ABTB2: variants seen among roughly 807,000 people sequenced by gnomAD.
The protein encoded by ABTB2 is ankyrin repeat and BTB/POZ domain-containing protein 2.
ABTB2 carries 56 observed loss-of-function variants against 104.1 expected under a neutral mutation model. That is an observed-to-expected ratio of 0.54 (90% CI 0.43 to 0.67). The LOEUF (loss-of-function observed/expected upper bound fraction) is 0.67, where lower values mean the gene tolerates loss of function less well. ABTB2 is among the 30% of genes least tolerant of loss of function. The probability of loss-of-function intolerance (pLI) is 0.00; values close to 1 mark genes in which losing one functional copy is unlikely to be tolerated. For missense variants in ABTB2, 1,279 were observed against 1,407.7 expected (o/e 0.91, Z 1.46); for synonymous variants, 606 against 608.2 (o/e 1.00, Z 0.05).
At position 34,357,875 on chromosome 11, in the gene ABTB2, A is replaced by C. The variant is rs1855487156; in HGVS notation, c.-292T>G. The C allele has an allele frequency of 2.7e-6, 1 of 375,636 alleles. No individual in the cohort carries two copies. Among genetic ancestry groups the C allele is most frequent in the African/African-American group, 2.1e-5 (1 of 47,444 alleles). 23.3% of individuals were successfully genotyped at this position (375,636 alleles called of 1,614,324 possible). On this transcript the variant is annotated 5_prime_UTR_variant, in exon 1 of 17. Coordinates refer to ENST00000435224, the MANE Select transcript of ABTB2 (RefSeq NM_145804.3). ...GTCCACCTCTAATTCCCACAAGCAG[A>C]GAGTCAGTCCTCCACAGAGAAGGAA...
At chr11:34,181,526 G>C (rs1732581443) in intron 3 of ABTB2, among the ~76,000 whole-genome samples, 1 of 152,154 alleles carries the variant, frequency 6.6e-6, no homozygotes, top group African/African-American at 2.4e-5. Flanking sequence ...AGCAAATGAG[G>C]CCAGCCGGTT....
At chr11:34,319,807 TACAGGCATGCACC>T (rs1047653519) in intron 1 of ABTB2, among the ~76,000 whole-genome samples, 5 of 152,198 alleles carry the variant, frequency 3.3e-5, no homozygotes, top group African/African-American at 1.2e-4. Context: ...TAGGTTGGAC[TACAGGCATGCACC>T]ACCACGCCCA....
chr11:34,197,628 C>G (rs1853278847), intron 2 of ABTB2, 90 bp from the exon 3 acceptor site: 2 of 948,578 alleles, frequency 2.1e-6, no homozygotes, highest in Admixed American at 2.7e-5. Context: ...AAGGATGTTC[C>G]TGGCTGAAGC....
chr11:34,177,857 G>A (rs1320440042), intron 3 of ABTB2, among the ~76,000 whole-genome samples: 3 of 152,094 alleles, frequency 2.0e-5, no homozygotes, highest in Non-Finnish European at 2.9e-5. Flanking sequence ...ATGAGGCACC[G>A]TGCCTGGCTG....
chr11:34,188,168 C>T (rs1426573527), intron 3 of ABTB2, among the ~76,000 whole-genome samples: 1 of 152,198 alleles, frequency 6.6e-6, no homozygotes, highest in Non-Finnish European at 1.5e-5. Flanking sequence ...TGCCCAAAGT[C>T]ACACAGCTAG....
At position 34,356,652 on chromosome 11, in the gene ABTB2, C is replaced by A. The variant is rs139311601; in HGVS notation, c.883+49G>T. The A allele has an allele frequency of 8.7e-6, 13 of 1,495,108 alleles. No homozygotes were observed. The highest frequency in any genetic ancestry group is 2.4e-5 in the East Asian group (1 of 41,814). The allele number at this position is 1,495,108 out of a possible 1,614,324, so 92.6% of individuals were successfully genotyped here. Reference sequence around the variant, plus strand: ...AATTCACTCCCCCAGTAGCCCAGGGCGGGATTTCTTGCCTACCCAGTCTGC... The same window carrying A: ...AATTCACTCCCCCAGTAGCCCAGGGAGGGATTTCTTGCCTACCCAGTCTGC... On this transcript the variant is annotated intron_variant, in intron 1 of 16. Transcript: ENST00000435224. This position sits in a 1 kb window ranked among gnomAD's most constrained non-coding sequence, Gnocchi z 4.6.
chr11:34,210,271 GA>G (rs1181086604), intron 1 of ABTB2, among the ~76,000 whole-genome samples: 1 of 152,170 alleles, frequency 6.6e-6, no homozygotes, highest in Non-Finnish European at 1.5e-5. Context: ...TCTAGACTCT[GA>G]CCCCTATGTG....
chr11:34,160,481 G>A, intron 11 of ABTB2, 128 bp from the exon 12 acceptor site: 2 of 694,284 alleles, frequency 2.9e-6, no homozygotes, highest in East Asian at 5.4e-5. Flanking sequence ...TGTTCCTGCT[G>A]GATGTGGCTT....
At position 34,160,893 on chromosome 11, in the gene ABTB2, C is replaced by T. The variant is rs759901270; in HGVS notation, c.2397+10G>A. 5 of 1,593,674 alleles carry T rather than the reference C, an allele frequency of 3.1e-6. No homozygotes were observed. The Admixed American group carries it at 8.6e-5, about 27-fold the overall frequency. On this transcript the variant is annotated intron_variant, in intron 11 of 16. Coordinates refer to ENST00000435224, the MANE Select transcript of ABTB2 (RefSeq NM_145804.3). Reference sequence around the variant, plus strand: ...CGTGGGCTTGGGAACTGGCCACTGGCCACACTTACTTTGCTGGTCTTGAGG... The same window carrying T: ...CGTGGGCTTGGGAACTGGCCACTGGTCACACTTACTTTGCTGGTCTTGAGG...
chr11:34,283,449 C>G (rs921495071), intron 1 of ABTB2, among the ~76,000 whole-genome samples: 1 of 152,136 alleles, frequency 6.6e-6, no homozygotes, highest in Non-Finnish European at 1.5e-5. Flanking sequence ...CTCCTGACCT[C>G]AAGTGATCCG....
At position 34,356,770 on chromosome 11, in the gene ABTB2, T is replaced by A; in HGVS notation, c.814A>T (p.Asn272Tyr). 6.2e-7 allele frequency: 1 copy of A among 1,611,668 alleles called. No individual in the cohort carries two copies. The highest frequency in any genetic ancestry group is 8.5e-7 in the Non-Finnish European group (1 of 1,179,050). The change falls in exon 1 of 17, where the codon AAC becomes TAC. Residue 272 changes from asparagine (N) to tyrosine (Y), a missense_variant. Coordinates refer to ENST00000435224, the MANE Select transcript of ABTB2 (RefSeq NM_145804.3). The surrounding 1 kb of genome is among the most constrained non-coding windows in gnomAD (Gnocchi z 4.6). ...ACGCCCCAGAGCTCGGCGTCGTTGT[T>A]GATGACCATCTCCAGGGCCTCAGCA... ...VSAEALEMVI[N>Y]NDAELWGVLQ...
chr11:34,303,281 G>A (rs574205528), intron 1 of ABTB2, among the ~76,000 whole-genome samples: 1 of 152,268 alleles, frequency 6.6e-6, no homozygotes, highest in East Asian at 1.9e-4. Flanking sequence ...ACCAACTACT[G>A]GCTGCAATTC....
chr11:34,216,289 C>G (rs1853547820), intron 1 of ABTB2, among the ~76,000 whole-genome samples: 2 of 152,210 alleles, frequency 1.3e-5, no homozygotes, highest in South Asian at 4.1e-4. Flanking sequence ...GAGCAGGTAT[C>G]AGTCTGCTCT....
At chr11:34,285,857 C>T (rs1346934804) in intron 1 of ABTB2, among the ~76,000 whole-genome samples, 3 of 152,162 alleles carry the variant, frequency 2.0e-5, no homozygotes, top group Non-Finnish European at 4.4e-5. Flanking sequence ...AAGTTCCCCT[C>T]CTGCATCTTG....
chr11:34,227,295 A>G (rs974372392), intron 1 of ABTB2, among the ~76,000 whole-genome samples: 5 of 151,956 alleles, frequency 3.3e-5, no homozygotes, highest in African/African-American at 7.2e-5. Flanking sequence ...AGAAAAAAAA[A>G]AAAAAGAATC....
At chr11:34,204,489 C>T in intron 2 of ABTB2, 55 bp downstream of exon 2, 6 of 1,511,520 alleles carry the variant, frequency 4.0e-6, no homozygotes, top group South Asian at 1.3e-5. Flanking sequence ...CTTCCCCCAG[C>T]CCTGAGACCT....
chr11:34,160,819 C>T (rs1590202305), intron 11 of ABTB2, 84 bp downstream of exon 11: 6 of 1,441,024 alleles, frequency 4.2e-6, no homozygotes, highest in East Asian at 2.3e-5. Flanking sequence ...TGTCTGTCCA[C>T]GTGTCTGCCT....
At chr11:34,292,935 T>A (rs1854579195) in intron 1 of ABTB2, among the ~76,000 whole-genome samples, 1 of 152,230 alleles carries the variant, frequency 6.6e-6, no homozygotes, top group African/African-American at 2.4e-5. Flanking sequence ...TGGATTTTAT[T>A]CTAAGTTTAA....
At chr11:34,351,450 G>T (rs1314959953) in intron 1 of ABTB2, among the ~76,000 whole-genome samples, 1 of 152,062 alleles carries the variant, frequency 6.6e-6, no homozygotes, top group African/African-American at 2.4e-5. Flanking sequence ...CTCCTAAACT[G>T]AAAATTCCCC....
Sources: gnomAD v4.1 joint callset for allele counts (sites outside exome capture counted in the v4.1 genomes callset) on GRCh38, gnomAD v4.1.1 for gene constraint, Gnocchi (gnomAD v3.1) non-coding constraint, MANE v1.5 for transcripts, NCBI Gene and HGNC (gene_info 2026-07-23, HGNC 2026-07-21) for gene names.